The following TRAPPC9 variants were observed in gnomAD, a reference collection of about 807,000 sequenced individuals.
TRAPPC9 encodes the protein IKK2 binding protein.
TRAPPC9 carries 83 observed loss-of-function variants against 124.0 expected under a neutral mutation model. That is an observed-to-expected ratio of 0.67 (90% CI 0.56 to 0.80). The LOEUF is 0.80. Among genes scored for constraint, TRAPPC9 ranks in the 30% least tolerant of loss-of-function variants. The probability of loss-of-function intolerance (pLI) is 0.00; values close to 1 mark genes in which losing one functional copy is unlikely to be tolerated. For synonymous variants in TRAPPC9, 638 were observed against 617.5 expected, an observed-to-expected ratio of 1.03 and a Z score of -0.49; for missense variants, 1,302 against 1,508.3, an observed-to-expected ratio of 0.86 and a Z score of 2.27.
Position 140,097,285 on chromosome 8 carries a change from C to G in TRAPPC9, c.2557-73206G>C, listed in dbSNP as rs961577438. 3.3e-5 allele frequency: 5 copies of G among 152,540 alleles called. No individual in the cohort carries two copies. Among genetic ancestry groups the G allele is most frequent in the Non-Finnish European group, 5.9e-5 (4 of 68,302 alleles). 9.4% of individuals were successfully genotyped at this position (152,540 alleles called of 1,614,324 possible). On this transcript the variant is annotated intron_variant, in intron 17 of 22. Coordinates refer to ENST00000438773, the MANE Select transcript of TRAPPC9 (RefSeq NM_001160372.4). The surrounding 1 kb of genome is among the most constrained non-coding windows in gnomAD (Gnocchi z 4.2). ...CCAGGTCCTGAGTGCACAGCCGCAA[C>G]AGTAACACGGTCCACAGGATGAGAC...
At chr8:140,095,324 C>T (rs1457783392) in intron 17 of TRAPPC9, 2 of 152,254 alleles carry the variant, frequency 1.3e-5, no homozygotes, top group African/African-American at 4.8e-5. Flanking sequence ...TGGGCTGGGA[C>T]AGAGAATGGC....
At position 140,065,752 on chromosome 8, in the gene TRAPPC9, T is replaced by C. The variant is rs188883271; in HGVS notation, c.2557-41673A>G. The stretch of plus-strand genomic sequence containing the variant: ...AAAGATTCCTTTCAAATATTATTGC[T>C]TATTGACAATGCACCACGTCACGTA... On this transcript the variant is annotated intron_variant, in intron 17 of 22. Coordinates refer to ENST00000438773, the MANE Select transcript of TRAPPC9 (RefSeq NM_001160372.4). Among the ~76,000 whole-genome samples the C allele has an allele frequency of 1.3e-5, 2 of 152,364 alleles. 1 individual carries two copies. Among genetic ancestry groups the C allele is most frequent in the Admixed American group, 1.3e-4 (2 of 15,300 alleles).
chr8:139,963,647 C>A (rs1190536414), intron 19 of TRAPPC9, among the ~76,000 whole-genome samples: 1 of 150,648 alleles, frequency 6.6e-6, no homozygotes, highest in Non-Finnish European at 1.5e-5. Flanking sequence ...ATTAAGCACA[C>A]CTTCATGCTA....
intron 3 of TRAPPC9, among the ~76,000 whole-genome samples, chr8:140,437,423 G>A (rs745353627): frequency 6.6e-6 from 1 of 152,160 alleles, no homozygotes; most frequent in Non-Finnish European, 1.5e-5. Context: ...TCGAGTTCAA[G>A]AGCAGCTCGG....
intron 9 of TRAPPC9, among the ~76,000 whole-genome samples, chr8:140,344,865 G>C (rs998258102): frequency 6.6e-6 from 1 of 152,362 alleles, no homozygotes; most frequent in East Asian, 1.9e-4. Context: ...CACCAGGGAG[G>C]TTGAAGCAGA....
chr8:140,082,876 G>A (rs909509540), intron 17 of TRAPPC9, among the ~76,000 whole-genome samples: 8 of 152,114 alleles, frequency 5.3e-5, no homozygotes, highest in African/African-American at 1.9e-4. Context: ...GAAGCAATTT[G>A]ACAGCAGGTA....
At chr8:140,014,021 T>C (rs941927342) in intron 18 of TRAPPC9, among the ~76,000 whole-genome samples, 7 of 152,106 alleles carry the variant, frequency 4.6e-5, no homozygotes, top group African/African-American at 1.7e-4. Context: ...ATCTACTAAG[T>C]AAACATAGCA....
At chr8:139,960,234 G>T (rs1455796988) in intron 19 of TRAPPC9, among the ~76,000 whole-genome samples, 1 of 152,136 alleles carries the variant, frequency 6.6e-6, no homozygotes. Context: ...ACAGACAATG[G>T]CCTGAGCCCC....
intron 18 of TRAPPC9, among the ~76,000 whole-genome samples, chr8:139,997,915 C>G (rs1432632047): frequency 7.3e-6 from 1 of 136,102 alleles, no homozygotes; most frequent in Non-Finnish European, 1.5e-5. Context: ...GGAGACAATG[C>G]ATCCCACACA....
intron 21 of TRAPPC9, among the ~76,000 whole-genome samples, chr8:139,836,456 G>GGT (rs1826359033): frequency 6.6e-6 from 1 of 152,182 alleles, no homozygotes. Context: ...CCGCTGGGGG[G>GGT]ACCTGGAGGA....
chr8:140,315,649 G>T (rs1304960071), intron 9 of TRAPPC9, among the ~76,000 whole-genome samples: 1 of 152,126 alleles, frequency 6.6e-6, no homozygotes, highest in African/African-American at 2.4e-5. Flanking sequence ...ACAATGATCT[G>T]TGATATAAGT....
At chr8:139,816,896 C>T (rs567382964) in intron 21 of TRAPPC9, among the ~76,000 whole-genome samples, 1 of 152,060 alleles carries the variant, frequency 6.6e-6, no homozygotes, top group Admixed American at 6.5e-5. Flanking sequence ...ACAGTCTCAG[C>T]TTCATTTCTG....
intron 21 of TRAPPC9, among the ~76,000 whole-genome samples, chr8:139,820,119 A>T (rs1158442200): frequency 6.6e-6 from 1 of 152,078 alleles, no homozygotes; most frequent in African/African-American, 2.4e-5. Flanking sequence ...ACATTTTTTT[A>T]ATTTCAGATT....
At chr8:140,107,792 A>C (rs1040202413) in intron 17 of TRAPPC9, among the ~76,000 whole-genome samples, 3 of 152,226 alleles carry the variant, frequency 2.0e-5, no homozygotes, top group African/African-American at 4.8e-5. Flanking sequence ...GGAGATGGGA[A>C]GGCATGCATG....
intron 21 of TRAPPC9, among the ~76,000 whole-genome samples, chr8:139,814,215 A>T (rs1824658690): frequency 6.6e-6 from 1 of 152,248 alleles, no homozygotes; most frequent in Admixed American, 6.5e-5. Flanking sequence ...GTGATGTCAA[A>T]CAGGGAGAAT....
chr8:139,969,145 G>A (rs949354533), intron 19 of TRAPPC9, among the ~76,000 whole-genome samples: 3 of 152,262 alleles, frequency 2.0e-5, no homozygotes, highest in African/African-American at 7.2e-5. Context: ...GAAGGGAATT[G>A]AGAAGATGGC....
intron 17 of TRAPPC9, among the ~76,000 whole-genome samples, chr8:140,056,462 G>A (rs778575755): frequency 5.9e-4 from 90 of 151,472 alleles, no homozygotes; most frequent in Non-Finnish European, 1.6e-4. Flanking sequence ...GGTACTGACT[G>A]ACAGACATAT....
chr8:140,139,395 GAC>G (rs2061349958), intron 17 of TRAPPC9, among the ~76,000 whole-genome samples: 1 of 152,204 alleles, frequency 6.6e-6, no homozygotes, highest in Non-Finnish European at 1.5e-5. Context: ...CATAAAGAGA[GAC>G]ACAGAATTTC....
chr8:140,303,038 G>C (rs1422989661), intron 10 of TRAPPC9, among the ~76,000 whole-genome samples: 2 of 152,180 alleles, frequency 1.3e-5, no homozygotes, highest in Non-Finnish European at 2.9e-5. Context: ...CATCCTGATT[G>C]GTGTCTGGGA....
Sources: allele counts gnomAD v4.1 joint callset (sites outside exome capture counted in the v4.1 genomes callset), GRCh38; gene constraint gnomAD v4.1.1; non-coding constraint Gnocchi (gnomAD v3.1); transcripts MANE v1.5; gene names NCBI Gene and HGNC (gene_info 2026-07-23, HGNC 2026-07-21).